Variants in DRD3 observed in about 807,000 individuals in gnomAD.
The protein encoded by DRD3 is dopamine receptor D3.
In DRD3, 19 loss-of-function variants were observed where a neutral mutation model predicts 36.3. The ratio of observed to expected loss-of-function variants is 0.52; its 90% confidence interval spans 0.36 to 0.77. The LOEUF (loss-of-function observed/expected upper bound fraction) is 0.77, where lower values mean the gene tolerates loss of function less well. Ranked by LOEUF, DRD3 falls within the 30% of genes least tolerant of loss-of-function variation. The pLI, the probability that DRD3 is intolerant of heterozygous loss-of-function variation, is 0.00. For missense variants in DRD3, 465 were observed against 505.3 expected (o/e 0.92, Z 0.77); for synonymous variants, 195 against 203.7 (o/e 0.96, Z 0.36).
rs745819216 is a variant in DRD3 at position 114,128,848 on chromosome 3, T to C, written c.1071A>G (p.Thr357=). 8.1e-6 allele frequency: 13 copies of C among 1,613,706 alleles called. No individual in the cohort carries two copies. The African/African-American group carries it at 1.7e-4, about 22-fold the overall frequency. ...LTHVLNTHCQ[T]CHVSPELYSA... is the part of the protein sequence containing the mutation. ...TGTAAAGCTCTGGGGACACGTGGCA[T>C]GTCTGGCAGTGGGTATTGAGAACAT... The change falls in exon 7 of 7, where the codon ACA becomes ACG. Residue 357 remains threonine (T), a synonymous_variant. Transcript: ENST00000383673.
intron 6 of DRD3, 115 bp from the exon 7 acceptor site, chr3:114,129,027 G>C: frequency 8.7e-7 from 1 of 1,149,508 alleles, no homozygotes; most frequent in Non-Finnish European, 1.2e-6. Flanking sequence ...TGGAAGTTTT[G>C]CATACCCACT....
At chr3:114,152,094 AT>A (rs1313529192) in intron 3 of DRD3, among the ~76,000 whole-genome samples, 1 of 152,160 alleles carries the variant, frequency 6.6e-6, no homozygotes, top group Non-Finnish European at 1.5e-5. Context: ...TCGATAAGTT[AT>A]TGGGGTACAG....
intron 4 of DRD3, among the ~76,000 whole-genome samples, chr3:114,146,967 G>A (rs1216690400): frequency 6.6e-6 from 1 of 151,978 alleles, no homozygotes; most frequent in African/African-American, 2.4e-5. Flanking sequence ...CTGAAGAATT[G>A]GAAATTATTC....
At position 114,128,815 on chromosome 3, in the gene DRD3, C is replaced by T. The variant is rs201011071; in HGVS notation, c.1104G>A (p.Thr368=). ...CHVSPELYSA[T]TWLGYVNSAL... ...CGCTATTCACGTAGCCCAGCCATGT[C>T]GTGGCACTGTAAAGCTCTGGGGACA... The change falls in exon 7 of 7, where the codon ACG becomes ACA. Residue 368 remains threonine (T), a synonymous_variant. Coordinates refer to ENST00000383673, the MANE Select transcript of DRD3 (RefSeq NM_000796.6). The T allele has an allele frequency of 2.3e-5, 37 of 1,613,910 alleles. No homozygotes were observed. The highest frequency in any genetic ancestry group is 1.6e-4 in the Middle Eastern group (1 of 6,062).
intron 5 of DRD3, among the ~76,000 whole-genome samples, chr3:114,137,997 C>CAAAA (rs36094182): frequency 2.1e-4 from 13 of 62,174 alleles, no homozygotes; most frequent in Admixed American, 2.1e-4. Flanking sequence ...GACTCCGTCT[C>CAAAA]AAAAAAAAAA....
intron 3 of DRD3, among the ~76,000 whole-genome samples, chr3:114,151,620 T>C (rs928361116): frequency 3.3e-5 from 5 of 152,160 alleles, no homozygotes; most frequent in African/African-American, 1.2e-4. Flanking sequence ...CTAAATATGC[T>C]ATAATGTTCA....
intron 3 of DRD3, among the ~76,000 whole-genome samples, chr3:114,153,424 C>G (rs2077636923): frequency 6.6e-6 from 1 of 152,156 alleles, no homozygotes; most frequent in African/African-American, 2.4e-5. Context: ...CTCCTGATAT[C>G]AGGTAATATT....
chr3:114,164,193 C>A (rs2077759903), intron 2 of DRD3, among the ~76,000 whole-genome samples: 2 of 118,242 alleles, frequency 1.7e-5, no homozygotes, highest in African/African-American at 3.4e-5. Context: ...TGCACTCCAG[C>A]CTGGGTGATA....
Position 114,128,697 on chromosome 3 carries a change from T to A in DRD3, c.*19A>T. The A allele has an allele frequency of 6.4e-7, 1 of 1,567,708 alleles. No homozygotes were observed. Among genetic ancestry groups the A allele is most frequent in the Non-Finnish European group, 8.7e-7 (1 of 1,154,882 alleles). ...GGCAGCTAGAAATGGGTACAAAGAG[T>A]GTTCCCTCTTCTGCTCCCTCAGCAA... On this transcript the variant is annotated 3_prime_UTR_variant, in exon 7 of 7. Transcript: ENST00000383673.
chr3:114,190,458 ATATATTTTTTTTTTTTTTTTTTTTTTTTT>A (rs2078004473), intron 1 of DRD3, among the ~76,000 whole-genome samples: 3 of 9,444 alleles, frequency 3.2e-4, no homozygotes, highest in African/African-American at 5.9e-4. Flanking sequence ...ATATATATAT[ATATATTTTTTTTTTTTTTTTTTTTTTTTT>A]TTTTTTTTTT....
intron 1 of DRD3, among the ~76,000 whole-genome samples, chr3:114,173,004 C>T (rs770433316): frequency 3.3e-4 from 50 of 151,928 alleles, no homozygotes; most frequent in African/African-American, 1.1e-3. Context: ...TGTAGAAATC[C>T]TAATTCCCAA....
chr3:114,133,793 C>T (rs994536000), intron 5 of DRD3, among the ~76,000 whole-genome samples: 3 of 152,116 alleles, frequency 2.0e-5, no homozygotes, highest in Non-Finnish European at 2.9e-5. Flanking sequence ...AGGCAGAACT[C>T]AACTCTTCAA....
At chr3:114,157,127 C>T (rs1338991601) in intron 3 of DRD3, among the ~76,000 whole-genome samples, 3 of 151,396 alleles carry the variant, frequency 2.0e-5, no homozygotes, top group East Asian at 3.9e-4. Context: ...AGTCTCAGCT[C>T]ACTGCAAACT....
chr3:114,139,752 G>C, intron 4 of DRD3, 56 bp from the exon 5 acceptor site: 1 of 1,558,252 alleles, frequency 6.4e-7, no homozygotes, highest in African/African-American at 1.4e-5. Flanking sequence ...ACTCAGTAAG[G>C]AGCATAAAAC....
rs554485083 is a variant in DRD3 at position 114,168,124 on chromosome 3, T to C, written c.270+3599A>G. ...TAAGCCAATTGGAGTTAAGCTGTTT[T>C]AAACTTATAATTAAAAGTGTCTTAA... On this transcript the variant is annotated intron_variant, in intron 2 of 6. Coordinates refer to ENST00000383673, the MANE Select transcript of DRD3 (RefSeq NM_000796.6). Among the ~76,000 whole-genome samples the C allele has an allele frequency of 5.9e-5, 9 of 152,374 alleles. No homozygotes were observed. In the East Asian group the frequency reaches 1.7e-3, roughly 29 times the overall value.
At chr3:114,180,427 A>C (rs1027105850), upstream of DRD3, among the ~76,000 whole-genome samples, 1 of 152,136 alleles carries the variant, frequency 6.6e-6, no homozygotes, top group Non-Finnish European at 1.5e-5. Flanking sequence ...GCCCTAATCC[A>C]ATATGACTGG....
chr3:114,167,878 A>G (rs2077801359), intron 2 of DRD3, among the ~76,000 whole-genome samples: 1 of 152,194 alleles, frequency 6.6e-6, no homozygotes, highest in African/African-American at 2.4e-5. Flanking sequence ...ATTCTAAGAA[A>G]AGGATTTTCT....
At chr3:114,165,592 T>A (rs2077775959) in intron 2 of DRD3, among the ~76,000 whole-genome samples, 1 of 152,198 alleles carries the variant, frequency 6.6e-6, no homozygotes, top group Admixed American at 6.5e-5. Flanking sequence ...TTTATTTACA[T>A]CCAAGTTGAT....
intron 4 of DRD3, among the ~76,000 whole-genome samples, chr3:114,141,435 G>A (rs1339911260): frequency 6.6e-6 from 1 of 152,150 alleles, no homozygotes; most frequent in Non-Finnish European, 1.5e-5. Flanking sequence ...AGAATAAATG[G>A]TAGCTATTCT....
Sources: gnomAD v4.1 joint callset for allele counts (sites outside exome capture counted in the v4.1 genomes callset) on GRCh38, gnomAD v4.1.1 for gene constraint, MANE v1.5 for transcripts, NCBI Gene and HGNC (gene_info 2026-07-23, HGNC 2026-07-21) for gene names.